CSNK2A1: variants seen among roughly 807,000 people sequenced by gnomAD.
The protein encoded by CSNK2A1 is casein kinase II subunit alpha.
Under a neutral mutation model 62.9 loss-of-function variants are expected in CSNK2A1, and 10 were observed. That is an observed-to-expected ratio of 0.16 (90% confidence interval 0.10 to 0.27). CSNK2A1 has a LOEUF of 0.27. CSNK2A1 is among the 10% of genes least tolerant of loss of function. CSNK2A1 has a pLI of 1.00. For synonymous variants in CSNK2A1, 124 were observed against 167.8 expected, an observed-to-expected ratio of 0.74 and a Z score of 2.02; for missense variants, 160 against 492.0, an observed-to-expected ratio of 0.33 and a Z score of 6.38.
In CSNK2A1 at chr20:477,111, A is replaced by AGG; in HGVS notation, c.*6849_*6850insCC. On this transcript the variant is annotated 3_prime_UTR_variant, in exon 14 of 14. Coordinates refer to ENST00000217244, the MANE Select transcript of CSNK2A1 (RefSeq NM_177559.3). ...CCTATGTTGCCCAGGCTGGTCTCCA[A>AGG]CTCGTGGCCTCAAGCAATCCTCCTG... 1 of 151,524 alleles carries AGG rather than the reference A, an allele frequency of 6.6e-6. No individual in the cohort carries two copies. 9.4% of individuals were successfully genotyped at this position (151,524 alleles called of 1,614,324 possible). A position where few individuals can be genotyped will look rare whatever the true frequency, so the allele number is the denominator to read the frequency against.
intron 2 of CSNK2A1, 65 bp from the exon 3 acceptor site, chr20:508,725 T>C: frequency 1.7e-6 from 1 of 578,736 alleles, no homozygotes; most frequent in Non-Finnish European, 3.0e-6. Flanking sequence ...AAGGAAATAA[T>C]CTTACAAATA....
In CSNK2A1 at chr20:486,529, T is replaced by TG. The variant is rs1431061973; in HGVS notation, c.974-68dup. ...AGATTAAACTAATGGTCTGGAAGCCTGAAAGCAGCCAGCTTCATTCTTTGC... is the reference window on the plus strand; with the variant it reads ...AGATTAAACTAATGGTCTGGAAGCCTGGAAAGCAGCCAGCTTCATTCTTTGC... On this transcript the variant is annotated intron_variant, in intron 12 of 13. Transcript: ENST00000217244. The TG allele has an allele frequency of 3.2e-5, 50 of 1,559,474 alleles. No homozygotes were observed. The African/African-American group carries it at 6.4e-4, about 20-fold the overall frequency.
intron 4 of CSNK2A1, chr20:503,125 A>G (rs1007650541): frequency 5.1e-6 from 1 of 196,150 alleles, no homozygotes; most frequent in African/African-American, 2.3e-5. Context: ...GTATGTATAT[A>G]TACACACAAT....
chr20:515,189 T>C (rs913852449), intron 2 of CSNK2A1, among the ~76,000 whole-genome samples: 2 of 152,128 alleles, frequency 1.3e-5, no homozygotes, highest in African/African-American at 2.4e-5. Context: ...AGTGGACTAA[T>C]ATGAGGAACA....
chr20:505,425 T>C (rs532948820), intron 3 of CSNK2A1, among the ~76,000 whole-genome samples, 196 bp from the exon 4 acceptor site: 1 of 140,790 alleles, frequency 7.1e-6, no homozygotes, highest in Non-Finnish European at 1.5e-5. Flanking sequence ...AGTGGCGCGA[T>C]CTCTGCTGAC....
rs1370594741 is a variant in CSNK2A1, at chr20:473,654, C to T, written c.*10307G>A. On this transcript the variant is annotated 3_prime_UTR_variant, in exon 14 of 14. Coordinates refer to ENST00000217244, the MANE Select transcript of CSNK2A1 (RefSeq NM_177559.3). ...AACTTTCTCCAATCTTCTGTGTGCT[C>T]CCAGTGGGGTTCATGGTGAAAAACG... 1 of 152,228 alleles carries T rather than the reference C, an allele frequency of 6.6e-6. No homozygotes were observed. The highest frequency in any genetic ancestry group is 2.1e-4 in the South Asian group (1 of 4,820). The allele number at this position is 152,228 out of a possible 1,614,324, so 9.4% of individuals were successfully genotyped here. A position where few individuals can be genotyped will look rare whatever the true frequency, so the allele number is the denominator to read the frequency against.
chr20:476,196 C>T lies in CSNK2A1; in HGVS notation c.*7765G>A, dbSNP rs2017845472. ...CTCTCCCTCGCCAGTTCAGGCAGCCCCTCCTCTGAGGCCTCATGGACCATT... is the reference window on the plus strand; with the variant it reads ...CTCTCCCTCGCCAGTTCAGGCAGCCTCTCCTCTGAGGCCTCATGGACCATT... On this transcript the variant is annotated 3_prime_UTR_variant, in exon 14 of 14. Coordinates refer to ENST00000217244, the MANE Select transcript of CSNK2A1 (RefSeq NM_177559.3). 1 of 152,338 alleles carries T rather than the reference C, an allele frequency of 6.6e-6. No individual in the cohort carries two copies. The highest frequency in any genetic ancestry group is 1.5e-5 in the Non-Finnish European group (1 of 68,150). 9.4% of individuals were successfully genotyped at this position (152,338 alleles called of 1,614,324 possible). A position where few individuals can be genotyped will look rare whatever the true frequency, so the allele number is the denominator to read the frequency against.
At chr20:512,835 T>C (rs1011875467) in intron 2 of CSNK2A1, among the ~76,000 whole-genome samples, 1 of 152,222 alleles carries the variant, frequency 6.6e-6, no homozygotes, top group African/African-American at 2.4e-5. Context: ...GTGACATTAA[T>C]CTATCTTCAC....
intron 1 of CSNK2A1, among the ~76,000 whole-genome samples, chr20:532,993 TATTG>T (rs1275949241): frequency 2.0e-5 from 3 of 152,222 alleles, no homozygotes; most frequent in Non-Finnish European, 4.4e-5. Context: ...CTCCACTTCA[TATTG>T]ATTCTCTTTT....
intron 3 of CSNK2A1, among the ~76,000 whole-genome samples, 179 bp from the exon 4 acceptor site, chr20:505,408 A>G (rs978187392): frequency 6.5e-5 from 8 of 122,192 alleles, no homozygotes; most frequent in Admixed American, 1.1e-4. Flanking sequence ...CGCCCAGGCT[A>G]GAGTGCAGTG....
intron 7 of CSNK2A1, 67 bp downstream of exon 7, chr20:497,654 C>T: frequency 7.5e-7 from 1 of 1,337,338 alleles, no homozygotes; most frequent in Non-Finnish European, 1.1e-6. Flanking sequence ...GCTTTTCTAC[C>T]ATCAATTGAC....
In CSNK2A1 at chr20:483,706, T is replaced by C. The variant is rs1387924186; in HGVS notation, c.*255A>G. ...GAGGGGAGAAAAAAAAATTTGTCCATGAAATATTCCACCTGCAGGTAATTT... is the reference window on the plus strand; with the variant it reads ...GAGGGGAGAAAAAAAAATTTGTCCACGAAATATTCCACCTGCAGGTAATTT... On this transcript the variant is annotated 3_prime_UTR_variant, in exon 14 of 14. Transcript: ENST00000217244. The C allele has an allele frequency of 3.8e-6, 1 of 263,482 alleles. No individual in the cohort carries two copies. Among genetic ancestry groups the C allele is most frequent in the African/African-American group, 2.2e-5 (1 of 45,084 alleles). The allele number at this position is 263,482 out of a possible 1,614,324, so 16.3% of individuals were successfully genotyped here. A position where few individuals can be genotyped will look rare whatever the true frequency, so the allele number is the denominator to read the frequency against.
chr20:532,327 CTAAT>C (rs1192294310), intron 1 of CSNK2A1, among the ~76,000 whole-genome samples: 1 of 134,608 alleles, frequency 7.4e-6, no homozygotes, highest in African/African-American at 3.1e-5. Context: ...CCATGCCCGG[CTAAT>C]TTTTTTTTTT....
chr20:485,110 ATATAT>A (rs1469899760), intron 13 of CSNK2A1, among the ~76,000 whole-genome samples: 8 of 11,196 alleles, frequency 7.1e-4, no homozygotes, highest in Non-Finnish European at 1.1e-3. Context: ...AAAAAAAAAA[ATATAT>A]ATATATATAT....
At chr20:539,416 T>G (rs984843026) in intron 1 of CSNK2A1, 1 of 152,250 alleles carries the variant, frequency 6.6e-6, no homozygotes, top group East Asian at 1.9e-4. Context: ...ATTCCCCGTC[T>G]CACACTTTCA....
intron 1 of CSNK2A1, among the ~76,000 whole-genome samples, chr20:533,549 G>A (rs2019255210): frequency 6.6e-6 from 1 of 152,192 alleles, no homozygotes; most frequent in Non-Finnish European, 1.5e-5. Context: ...GTTGCAATGA[G>A]CCGAGATCAT....
chr20:486,456 A>G lies in CSNK2A1; in HGVS notation c.980T>C (p.Val327Ala). 1.9e-6 allele frequency: 3 copies of G among 1,613,576 alleles called. No homozygotes were observed. The highest frequency in any genetic ancestry group is 8.5e-7 in the Non-Finnish European group (1 of 1,179,884). Residue 327 changes from valine (V) to alanine (A), a missense_variant, in exon 13 of 14, where the codon GTT (valine) becomes GCT (alanine). Around this residue, in one of 3 missense-constraint regions of CSNK2A1, gnomAD observed 51 missense variants for 108.8 expected, o/e 0.47. Transcript: ENST00000217244. ...EAMEHPYFYT[V>A]VKDQARMGSS... ...ACCCATTCGAGCCTGGTCCTTCACAACAGTGTCTAGAAAAGAGACAAAAAG... is the reference window on the plus strand; with the variant it reads ...ACCCATTCGAGCCTGGTCCTTCACAGCAGTGTCTAGAAAAGAGACAAAAAG...
rs1048974585 is a variant in CSNK2A1 at position 474,971 on chromosome 20, C to T, written c.*8990G>A. On this transcript the variant is annotated 3_prime_UTR_variant, in exon 14 of 14. Transcript: ENST00000217244. ...AAACATTTGAACTCTAGCAAATATA[C>T]TGAGAAGTGCCCCAAACGTAAATGG... 5.9e-5 allele frequency: 9 copies of T among 152,142 alleles called. No homozygotes were observed. The highest frequency in any genetic ancestry group is 2.2e-4 in the African/African-American group (9 of 41,406). 9.4% of individuals were successfully genotyped at this position (152,142 alleles called of 1,614,324 possible).
At chr20:537,559 A>G (rs1158201113) in intron 1 of CSNK2A1, among the ~76,000 whole-genome samples, 1 of 152,220 alleles carries the variant, frequency 6.6e-6, no homozygotes, top group African/African-American at 2.4e-5. Flanking sequence ...CTATAACCCA[A>G]TGAAAATACA....
Sources: allele counts gnomAD v4.1 joint callset (sites outside exome capture counted in the v4.1 genomes callset), GRCh38; gene constraint gnomAD v4.1.1; regional missense constraint gnomAD v4.1.1; transcripts MANE v1.5; gene names NCBI Gene and HGNC (gene_info 2026-07-23, HGNC 2026-07-21).